The following DMRT3 variants were observed in gnomAD, a reference collection of about 807,000 sequenced individuals.
DMRT3 encodes the protein doublesex- and mab-3-related transcription factor 3.
DMRT3 carries 29 observed loss-of-function variants against 34.9 expected under a neutral mutation model. That is an observed-to-expected ratio of 0.83 (90% CI 0.62 to 1.13). The LOEUF (loss-of-function observed/expected upper bound fraction) is 1.13, where lower values mean the gene tolerates loss of function less well. DMRT3 is among the 50% of genes most tolerant of loss of function. The pLI is 0.00. For missense variants in DMRT3, 772 were observed against 629.1 expected (o/e 1.23, Z -2.43); for synonymous variants, 350 against 286.0 (o/e 1.22, Z -2.26).
intron 1 of DMRT3, among the ~76,000 whole-genome samples, chr9:983,307 C>A (rs575005602): frequency 6.6e-6 from 1 of 152,280 alleles, no homozygotes; most frequent in African/African-American, 2.4e-5. Context: ...CCACGTTTTT[C>A]CCACTGATTA....
At chr9:983,300 C>T (rs920102725) in intron 1 of DMRT3, among the ~76,000 whole-genome samples, 2 of 152,178 alleles carry the variant, frequency 1.3e-5, no homozygotes, top group African/African-American at 2.4e-5. Context: ...TAGTGTTCCA[C>T]GTTTTTCCCA....
rs1276521449 is a variant in DMRT3, at chr9:991,116, T to C, written c.*111T>C. On this transcript the variant is annotated 3_prime_UTR_variant, in exon 2 of 2. Coordinates refer to ENST00000190165, the MANE Select transcript of DMRT3 (RefSeq NM_021240.4). ...TGCCCTTTCCTTCTGTTTGACAAAG[T>C]GACTGTGCTTGATTCTATACATTAG... The C allele has an allele frequency of 2.2e-6, 3 of 1,363,838 alleles. No individual in the cohort carries two copies. Among genetic ancestry groups the C allele is most frequent in the Admixed American group, 4.5e-5 (2 of 44,380 alleles). The allele number at this position is 1,363,838 out of a possible 1,614,324, so 84.5% of individuals were successfully genotyped here. A position where few individuals can be genotyped will look rare whatever the true frequency, so the allele number is the denominator to read the frequency against.
chr9:978,012 C>G (rs746751529), intron 1 of DMRT3, among the ~76,000 whole-genome samples: 1 of 152,200 alleles, frequency 6.6e-6, no homozygotes, highest in Non-Finnish European at 1.5e-5. Flanking sequence ...CTCTCAGAAC[C>G]CTGGCCTTTC....
Position 990,951 on chromosome 9 carries a change from C to T in DMRT3, c.1365C>T (p.Asp455=). ...VSKQSIYTED[D]YDERSDSSDS... ...AGCAGTCCATTTACACCGAGGACGACTATGACGAGAGGTCTGACTCCTCAG... is the reference window on the plus strand; with the variant it reads ...AGCAGTCCATTTACACCGAGGACGATTATGACGAGAGGTCTGACTCCTCAG... Residue 455 remains aspartate, a synonymous_variant, in exon 2 of 2, where the codon GAC becomes GAT. Transcript: ENST00000190165. 1 of 1,614,068 alleles carries T rather than the reference C, an allele frequency of 6.2e-7. No individual in the cohort carries two copies. Among genetic ancestry groups the T allele is most frequent in the Non-Finnish European group, 8.5e-7 (1 of 1,180,038 alleles).
chr9:979,689 C>A (rs1409165640), intron 1 of DMRT3, among the ~76,000 whole-genome samples: 2 of 152,062 alleles, frequency 1.3e-5, no homozygotes, highest in African/African-American at 4.8e-5. Flanking sequence ...GGAAGACAGG[C>A]ATACAAGTGG....
In DMRT3 at chr9:990,153, C is replaced by T. The variant is rs1175293368; in HGVS notation, c.567C>T (p.Cys189=). The T allele has an allele frequency of 6.2e-7, 1 of 1,614,092 alleles. No individual in the cohort carries two copies. The highest frequency in any genetic ancestry group is 8.5e-7 in the Non-Finnish European group (1 of 1,180,028). Residue 189 remains cysteine, a synonymous_variant, in exon 2 of 2, where the codon TGC becomes TGT. Transcript: ENST00000190165. ...CAGATGTGGCAAAGAGTAAGGGCTG[C>T]TTCACCCCTGAGAGCCCTGAGATAG... ...SSPDVAKSKG[C]FTPESPEIVS...
At chr9:982,714 A>G (rs1820237137) in intron 1 of DMRT3, among the ~76,000 whole-genome samples, 1 of 152,224 alleles carries the variant, frequency 6.6e-6, no homozygotes, top group African/African-American at 2.4e-5. Flanking sequence ...GAGGACTCGG[A>G]GCCCTTTTCT....
chr9:991,037 A>C lies in DMRT3; in HGVS notation c.*32A>C. On this transcript the variant is annotated 3_prime_UTR_variant, in exon 2 of 2. Coordinates refer to ENST00000190165, the MANE Select transcript of DMRT3 (RefSeq NM_021240.4). Reference sequence around the variant, plus strand: ...GCTGGATGGGTGGTGGCCAGGTGACATTTTCTGTGCGTTTTGACCCTGAGG... The same window carrying C: ...GCTGGATGGGTGGTGGCCAGGTGACCTTTTCTGTGCGTTTTGACCCTGAGG... 1.3e-6 allele frequency: 2 copies of C among 1,577,968 alleles called. No homozygotes were observed. Among genetic ancestry groups the C allele is most frequent in the Middle Eastern group, 1.7e-4 (1 of 5,720 alleles).
intron 1 of DMRT3, among the ~76,000 whole-genome samples, chr9:989,599 G>A (rs924418269): frequency 6.6e-6 from 1 of 152,160 alleles, no homozygotes; most frequent in Non-Finnish European, 1.5e-5. Context: ...TATCTGGATG[G>A]TACTATCCCT....
intron 1 of DMRT3, among the ~76,000 whole-genome samples, chr9:984,353 G>C (rs978791125): frequency 6.6e-6 from 1 of 152,016 alleles, no homozygotes. Context: ...CTCTGCTCGA[G>C]TTTTTCTGTG....
intron 1 of DMRT3, among the ~76,000 whole-genome samples, chr9:978,686 T>A (rs1226153621): frequency 1.3e-5 from 2 of 152,066 alleles, no homozygotes; most frequent in African/African-American, 4.8e-5. Flanking sequence ...GCAGGTGGAG[T>A]TCTGCTGCCC....
intron 1 of DMRT3, among the ~76,000 whole-genome samples, chr9:987,306 TC>T (rs200240377): frequency 0.011 from 1,631 of 152,348 alleles, 22 homozygotes; most frequent in African/African-American, 0.037. Context: ...ACAGTATTTG[TC>T]CTTTTGTGTC....
intron 1 of DMRT3, among the ~76,000 whole-genome samples, chr9:986,271 C>G (rs1038163299): frequency 6.6e-6 from 1 of 151,946 alleles, no homozygotes; most frequent in Non-Finnish European, 1.5e-5. Flanking sequence ...TTTATATTGT[C>G]AGACTTGTAA....
chr9:977,455 G>A lies in DMRT3; in HGVS notation c.454G>A (p.Asp152Asn). The change falls in exon 1 of 2, where the codon GAT becomes AAT. Residue 152 changes from aspartate to asparagine, a missense_variant and splice_region_variant. By Grantham distance (23) the Asp-to-Asn change is conservative. Coordinates refer to ENST00000190165, the MANE Select transcript of DMRT3 (RefSeq NM_021240.4). ...GALQAQLAKP[D>N]LTEERLGDGK... ...TCTGCAGGCGCAGCTCGCCAAGCCA[G>A]GTAAGAGCGTCTGAGGTGCGGGAGT... is the stretch of plus-strand genomic sequence containing the variant. 5 of 1,282,470 alleles carry A rather than the reference G, an allele frequency of 3.9e-6. No individual in the cohort carries two copies. The highest frequency in any genetic ancestry group is 3.2e-5 in the Admixed American group (1 of 31,490). The allele number at this position is 1,282,470 out of a possible 1,614,324, so 79.4% of individuals were successfully genotyped here.
chr9:977,593 A>T, intron 1 of DMRT3, 138 bp downstream of exon 1: 18 of 859,032 alleles, frequency 2.1e-5, no homozygotes, highest in East Asian at 1.1e-4. Context: ...ACTCTCCGCC[A>T]GGCCGGGGCT....
At chr9:983,617 A>G (rs1184521527) in intron 1 of DMRT3, among the ~76,000 whole-genome samples, 1 of 152,246 alleles carries the variant, frequency 6.6e-6, no homozygotes, top group East Asian at 1.9e-4. Context: ...TTTGTTAAAT[A>G]GATGGATGAG....
intron 1 of DMRT3, among the ~76,000 whole-genome samples, chr9:978,324 G>A (rs559761572): frequency 2.0e-5 from 3 of 152,242 alleles, no homozygotes; most frequent in East Asian, 1.9e-4. Flanking sequence ...CTCTTCCTGG[G>A]GAATTTCTAG....
chr9:978,516 G>T (rs2130054011), intron 1 of DMRT3, among the ~76,000 whole-genome samples: 1 of 152,292 alleles, frequency 6.6e-6, no homozygotes, highest in East Asian at 1.9e-4. Flanking sequence ...GTAGAACTGT[G>T]GCAAAACTGG....
At chr9:984,338 T>C (rs922675996) in intron 1 of DMRT3, among the ~76,000 whole-genome samples, 4 of 152,254 alleles carry the variant, frequency 2.6e-5, no homozygotes, top group South Asian at 2.1e-4. Flanking sequence ...CTAGGAAATA[T>C]TCCTCTCTGC....
Sources: allele counts gnomAD v4.1 joint callset (sites outside exome capture counted in the v4.1 genomes callset), GRCh38; gene constraint gnomAD v4.1.1; transcripts MANE v1.5; gene names NCBI Gene and HGNC (gene_info 2026-07-23, HGNC 2026-07-21).